The following TEAD1 variants were observed in gnomAD, a reference collection of about 807,000 sequenced individuals.
TEAD1 encodes transcriptional enhancer factor TEF-1.
In TEAD1, 9 loss-of-function variants were observed where a neutral mutation model predicts 54.9. The ratio of observed to expected loss-of-function variants is 0.16; its 90% CI spans 0.10 to 0.29. The LOEUF is 0.29. Ranked by LOEUF, TEAD1 falls within the 10% of genes least tolerant of loss-of-function variation. TEAD1 has a pLI of 1.00. For missense variants in TEAD1, 387 were observed against 535.9 expected (o/e 0.72, Z 2.74); for synonymous variants, 200 against 187.8 (o/e 1.07, Z -0.53).
intron 3 of TEAD1, among the ~76,000 whole-genome samples, chr11:12,816,561 A>G (rs578100746): frequency 2.1e-4 from 32 of 152,300 alleles, no homozygotes; most frequent in African/African-American, 7.7e-4. Flanking sequence ...TGGAGCTGTA[A>G]TCCGTGGAGA....
intron 6 of TEAD1, among the ~76,000 whole-genome samples, chr11:12,880,179 C>T (rs180976032): frequency 1.3e-3 from 197 of 152,288 alleles, no homozygotes; most frequent in African/African-American, 4.5e-3. Context: ...GGCGTCTTCT[C>T]TCTTTATCTT....
At chr11:12,867,563 GCAGTATA>G (rs1947645012) in intron 5 of TEAD1, among the ~76,000 whole-genome samples, 1 of 152,138 alleles carries the variant, frequency 6.6e-6, no homozygotes, top group African/African-American at 2.4e-5. Flanking sequence ...TATCTCAAAG[GCAGTATA>G]CTTAACCTTC....
In TEAD1 at chr11:12,930,488, A is replaced by G. The variant is rs958904547; in HGVS notation, c.1167+162A>G. On this transcript the variant is annotated intron_variant, in intron 12 of 12. Coordinates refer to ENST00000527636, the MANE Select transcript of TEAD1 (RefSeq NM_021961.6). ...GTCAGCAGTTGAATTTGCATCATCC[A>G]TAGGGAAAACTTGGGCTTGATTCTG... is the stretch of plus-strand genomic sequence containing the variant. 2.6e-5 allele frequency among the ~76,000 whole-genome samples: 4 copies of G among 152,310 alleles called. No individual in the cohort carries two copies. The East Asian group carries it at 7.7e-4, about 29-fold the overall frequency.
Position 12,864,597 on chromosome 11 carries a change from G to C in TEAD1, c.268-241G>C, listed in dbSNP as rs922509394. The stretch of plus-strand genomic sequence containing the variant: ...CCCCAAAACCCTCCCAAAGAGTAGC[G>C]ATTTTATATTTGATTTCCTTTTTTG... On this transcript the variant is annotated intron_variant, in intron 4 of 12. Coordinates refer to ENST00000527636, the MANE Select transcript of TEAD1 (RefSeq NM_021961.6). 7.2e-6 allele frequency: 8 copies of C among 1,114,090 alleles called. No homozygotes were observed. In the South Asian group the frequency reaches 1.3e-4, roughly 19 times the overall value. 69.0% of individuals were successfully genotyped at this position (1,114,090 alleles called of 1,614,324 possible). A position where few individuals can be genotyped will look rare whatever the true frequency, so the allele number is the denominator to read the frequency against.
intron 3 of TEAD1, among the ~76,000 whole-genome samples, chr11:12,858,813 C>G (rs770480626): frequency 6.6e-6 from 1 of 152,176 alleles, no homozygotes; most frequent in Non-Finnish European, 1.5e-5. Flanking sequence ...CAACAGGATA[C>G]GTTCTGAGAA....
intron 2 of TEAD1, among the ~76,000 whole-genome samples, chr11:12,745,757 A>T (rs985159395): frequency 4.6e-5 from 7 of 152,282 alleles, no homozygotes; most frequent in Admixed American, 6.5e-5. Flanking sequence ...TAAAAAAAAA[A>T]ACTTAGCCCA....
chr11:12,903,805 C>A (rs936810599), intron 10 of TEAD1, among the ~76,000 whole-genome samples: 5 of 152,064 alleles, frequency 3.3e-5, no homozygotes, highest in African/African-American at 1.2e-4. Context: ...GAGCAAGACC[C>A]TGTTCCAAAA....
At chr11:12,864,011 A>G (rs530686375) in intron 4 of TEAD1, among the ~76,000 whole-genome samples, 13 of 152,072 alleles carry the variant, frequency 8.5e-5, no homozygotes, top group Admixed American at 1.3e-4. Context: ...TAATATGCAA[A>G]TCCACTTGGC....
chr11:12,693,418 C>T (rs922610682), intron 2 of TEAD1, among the ~76,000 whole-genome samples: 10 of 152,238 alleles, frequency 6.6e-5, no homozygotes, highest in Admixed American at 6.5e-4. Flanking sequence ...TCTTAAGCTA[C>T]ATGCTTCTGT....
chr11:12,847,290 C>T (rs779806116), intron 3 of TEAD1, among the ~76,000 whole-genome samples: 4 of 152,136 alleles, frequency 2.6e-5, no homozygotes, highest in Non-Finnish European at 5.9e-5. Context: ...GATGTGGGTC[C>T]TGCCTTCACA....
chr11:12,783,121 TGTGTGTGTGTGTGC>T (rs900051104), intron 3 of TEAD1, among the ~76,000 whole-genome samples: 1 of 150,196 alleles, frequency 6.7e-6, no homozygotes, highest in African/African-American at 2.5e-5. Flanking sequence ...TGTGTGTGTG[TGTGTGTGTGTGTGC>T]GCGCACTTTC....
chr11:12,877,974 T>TG (rs1438307714), intron 5 of TEAD1, among the ~76,000 whole-genome samples: 3,812 of 150,768 alleles, frequency 0.025, 154 homozygotes, highest in African/African-American at 0.083. Flanking sequence ...ATTTTTTTTT[T>TG]TGTGTGTGTG....
chr11:12,862,344 G>A (rs1379996522), intron 4 of TEAD1, 30 bp downstream of exon 4: 6 of 1,607,972 alleles, frequency 3.7e-6, no homozygotes, highest in Non-Finnish European at 5.1e-6. Context: ...AATTGTGCAT[G>A]TCAGCGAATG....
At chr11:12,702,294 C>G (rs1204677283) in intron 2 of TEAD1, among the ~76,000 whole-genome samples, 2 of 152,144 alleles carry the variant, frequency 1.3e-5, no homozygotes, top group African/African-American at 4.8e-5. Flanking sequence ...ATTGACCCTG[C>G]GTGTTACTAT....
intron 12 of TEAD1, among the ~76,000 whole-genome samples, chr11:12,933,447 C>CA (rs1279709945): frequency 4.6e-5 from 7 of 152,264 alleles, no homozygotes; most frequent in Admixed American, 1.3e-4. Flanking sequence ...ATAACTTATA[C>CA]AAATCATCTC....
intron 3 of TEAD1, among the ~76,000 whole-genome samples, chr11:12,796,873 A>G (rs976626629): frequency 6.6e-6 from 1 of 152,128 alleles, no homozygotes; most frequent in African/African-American, 2.4e-5. Flanking sequence ...GCACTTTGGG[A>G]GGCCGAGGTG....
At chr11:12,815,190 T>A (rs2133994311) in intron 3 of TEAD1, among the ~76,000 whole-genome samples, 1 of 152,250 alleles carries the variant, frequency 6.6e-6, no homozygotes, top group Middle Eastern at 3.4e-3. Context: ...AGAAACTGTG[T>A]TTATCTCCCG....
At chr11:12,697,255 G>A (rs530584582) in intron 2 of TEAD1, among the ~76,000 whole-genome samples, 2 of 151,036 alleles carry the variant, frequency 1.3e-5, no homozygotes, top group South Asian at 2.1e-4. Context: ...AATAAAAAGT[G>A]CACAGGTGAG....
intron 2 of TEAD1, among the ~76,000 whole-genome samples, chr11:12,760,871 C>A (rs938328680): frequency 2.0e-5 from 3 of 152,106 alleles, no homozygotes; most frequent in East Asian, 1.9e-4. Context: ...ATTTCTCAGC[C>A]AGCCCCAGTC....
Sources: gnomAD v4.1 joint callset for allele counts (sites outside exome capture counted in the v4.1 genomes callset) on GRCh38, gnomAD v4.1.1 for gene constraint, MANE v1.5 for transcripts, NCBI Gene and HGNC (gene_info 2026-07-23, HGNC 2026-07-21) for gene names.